EYA4: variants seen among roughly 807,000 people sequenced by gnomAD.
EYA4 encodes protein phosphatase EYA4.
EYA4 carries 31 observed loss-of-function variants against 87.9 expected under a neutral mutation model. That is an observed-to-expected ratio of 0.35 (90% CI 0.27 to 0.48). EYA4 has a LOEUF of 0.48. Ranked by LOEUF, EYA4 falls within the 20% of genes least tolerant of loss-of-function variation. EYA4 has a pLI of 0.99. For synonymous variants in EYA4, 263 were observed against 270.6 expected (o/e 0.97, Z 0.28); for missense variants, 678 against 761.4 (o/e 0.89, Z 1.29).
intron 11 of EYA4, among the ~76,000 whole-genome samples, chr6:133,469,472 A>C (rs2128677277): frequency 6.6e-6 from 1 of 152,176 alleles, no homozygotes; most frequent in African/African-American, 2.4e-5. Flanking sequence ...AATGTACAGT[A>C]ATCAAGAGAG....
intron 3 of EYA4, among the ~76,000 whole-genome samples, chr6:133,415,855 A>G (rs747450908): frequency 1.2e-4 from 18 of 152,224 alleles, no homozygotes; most frequent in Non-Finnish European, 2.2e-4. Flanking sequence ...CAGACACACA[A>G]CAAGTATAAA....
intron 3 of EYA4, among the ~76,000 whole-genome samples, chr6:133,408,726 A>G (rs552770319): frequency 6.6e-6 from 1 of 152,252 alleles, no homozygotes; most frequent in East Asian, 1.9e-4. Flanking sequence ...AGCTTTTAGG[A>G]CAGTGCCTGG....
intron 1 of EYA4, among the ~76,000 whole-genome samples, chr6:133,266,575 T>A (rs375755700): frequency 2.6e-5 from 4 of 152,300 alleles, no homozygotes; most frequent in Admixed American, 1.3e-4. Context: ...AAATAATAAT[T>A]TTAAGTATAT....
chr6:133,308,709 C>T (rs1371864217), intron 2 of EYA4, among the ~76,000 whole-genome samples: 1 of 152,206 alleles, frequency 6.6e-6, no homozygotes, highest in Non-Finnish European at 1.5e-5. Context: ...TTATGGCCTC[C>T]AGCCGCATCC....
At chr6:133,278,413 A>G (rs1366501762) in intron 2 of EYA4, among the ~76,000 whole-genome samples, 2 of 152,142 alleles carry the variant, frequency 1.3e-5, no homozygotes, top group Non-Finnish European at 2.9e-5. Context: ...TTACTTGCCT[A>G]TCTCACCACT....
rs779806687 is a variant in EYA4 at position 133,481,587 on chromosome 6, T to C, written c.1095T>C (p.Asp365=). 1.3e-5 allele frequency: 21 copies of C among 1,613,910 alleles called. No individual in the cohort carries two copies. In the East Asian group the frequency reaches 3.8e-4, roughly 29 times the overall value. Residue 365 remains aspartate, a synonymous_variant, in exon 12 of 20, where the codon GAT becomes GAC. Coordinates refer to ENST00000355286, the MANE Select transcript of EYA4 (RefSeq NM_004100.5). ...GRKNNPSPPP[D]SDLERVFVWD... Reference sequence around the variant, plus strand: ...AAAATAATCCCTCCCCGCCTCCTGATAGTGACCTGGAGGTATGCCTACTCA... The same window carrying C: ...AAAATAATCCCTCCCCGCCTCCTGACAGTGACCTGGAGGTATGCCTACTCA...
At chr6:133,341,967 A>G (rs933006419) in intron 2 of EYA4, among the ~76,000 whole-genome samples, 1 of 152,186 alleles carries the variant, frequency 6.6e-6, no homozygotes, top group Non-Finnish European at 1.5e-5. Flanking sequence ...ATTTTATGAC[A>G]GGATTTGGTC....
At chr6:133,459,524 G>T (rs1029891697) in intron 6 of EYA4, among the ~76,000 whole-genome samples, 1 of 152,000 alleles carries the variant, frequency 6.6e-6, no homozygotes, top group Admixed American at 6.6e-5. Context: ...GTGTACCAAG[G>T]AGAAATTCTG....
At chr6:133,354,433 AAGAC>A (rs1324645783) in intron 2 of EYA4, among the ~76,000 whole-genome samples, 1 of 152,138 alleles carries the variant, frequency 6.6e-6, no homozygotes, top group Non-Finnish European at 1.5e-5. Flanking sequence ...GAAGAAGATA[AAGAC>A]TAGCTACTGT....
chr6:133,418,333 G>T (rs1367570430), intron 3 of EYA4, among the ~76,000 whole-genome samples: 1 of 152,116 alleles, frequency 6.6e-6, no homozygotes, highest in Non-Finnish European at 1.5e-5. Context: ...GACAGTTGTG[G>T]CTTCTCTTTG....
At chr6:133,420,354 G>A (rs749081666) in intron 3 of EYA4, among the ~76,000 whole-genome samples, 1 of 152,134 alleles carries the variant, frequency 6.6e-6, no homozygotes, top group East Asian at 1.9e-4. Flanking sequence ...TATGATTTTT[G>A]CCATTACTAC....
At chr6:133,482,249 A>T (rs1362650544) in intron 12 of EYA4, among the ~76,000 whole-genome samples, 1 of 152,260 alleles carries the variant, frequency 6.6e-6, no homozygotes, top group Non-Finnish European at 1.5e-5. Context: ...TAGTAAAATC[A>T]AGTGACAGAC....
intron 2 of EYA4, among the ~76,000 whole-genome samples, chr6:133,333,926 G>A (rs1470599717): frequency 6.6e-6 from 1 of 152,066 alleles, no homozygotes; most frequent in Non-Finnish European, 1.5e-5. Flanking sequence ...TTTAGGGTAA[G>A]GAACTTTACT....
intron 3 of EYA4, among the ~76,000 whole-genome samples, chr6:133,410,974 G>A (rs982959945): frequency 7.5e-5 from 7 of 93,680 alleles, no homozygotes; most frequent in Admixed American, 1.1e-4. Flanking sequence ...CCCTTCCCCC[G>A]CCTGACCCCA....
chr6:133,265,830 A>G (rs1035226132), intron 1 of EYA4, among the ~76,000 whole-genome samples: 1 of 152,202 alleles, frequency 6.6e-6, no homozygotes, highest in African/African-American at 2.4e-5. Context: ...TGACAAAGAA[A>G]GGCTAGTTTT....
chr6:133,271,593 T>C (rs1039224802), intron 1 of EYA4, among the ~76,000 whole-genome samples: 4 of 152,202 alleles, frequency 2.6e-5, no homozygotes, highest in Admixed American at 6.5e-5. Flanking sequence ...GGTAGCTGGC[T>C]GATCACCCCG....
chr6:133,389,736 G>T (rs1423030378), intron 3 of EYA4, among the ~76,000 whole-genome samples: 1 of 152,142 alleles, frequency 6.6e-6, no homozygotes, highest in Non-Finnish European at 1.5e-5. Flanking sequence ...GAACTTTTAA[G>T]CAATCTTTGA....
chr6:133,457,446 T>C (rs1406854910), intron 6 of EYA4, among the ~76,000 whole-genome samples: 2 of 152,224 alleles, frequency 1.3e-5, no homozygotes, highest in African/African-American at 4.8e-5. Flanking sequence ...GTTATTCTAC[T>C]TTAATACATT....
chr6:133,522,456 T>A (rs1260310921), intron 17 of EYA4, among the ~76,000 whole-genome samples: 1 of 152,014 alleles, frequency 6.6e-6, no homozygotes, highest in Non-Finnish European at 1.5e-5. Flanking sequence ...ATACATAAAG[T>A]AGAATACAAA....
Sources: allele counts gnomAD v4.1 joint callset (sites outside exome capture counted in the v4.1 genomes callset), GRCh38; gene constraint gnomAD v4.1.1; transcripts MANE v1.5; gene names NCBI Gene and HGNC (gene_info 2026-07-23, HGNC 2026-07-21).